ZMYM4: variants seen among roughly 807,000 people sequenced by gnomAD.
The protein encoded by ZMYM4 is zinc finger MYM-type protein 4.
In ZMYM4, 31 loss-of-function variants were observed where a neutral mutation model predicts 183.2. The ratio of observed to expected loss-of-function variants is 0.17; its 90% CI spans 0.13 to 0.23. The LOEUF is 0.23. ZMYM4 is among the 10% of genes least tolerant of loss of function. ZMYM4 has a pLI of 1.00. For missense variants in ZMYM4, 1,273 were observed against 1,840.3 expected, an observed-to-expected ratio of 0.69 and a Z score of 5.64; for synonymous variants, 592 against 631.2, an observed-to-expected ratio of 0.94 and a Z score of 0.93.
At chr1:35,412,094 T>C (rs1461623233) in intron 26 of ZMYM4, among the ~76,000 whole-genome samples, 3 of 150,536 alleles carry the variant, frequency 2.0e-5, no homozygotes, top group Non-Finnish European at 4.5e-5. Context: ...GGTTTCACCG[T>C]GGTCTCGATC....
At position 35,381,198 on chromosome 1, in the gene ZMYM4, C is replaced by T. The variant is rs1352581294; in HGVS notation, c.1182-61C>T. 3.0e-6 allele frequency: 4 copies of T among 1,352,074 alleles called. No homozygotes were observed. In the South Asian group the frequency reaches 4.7e-5, roughly 16 times the overall value. 83.8% of individuals were successfully genotyped at this position (1,352,074 alleles called of 1,614,324 possible). ...TCTGTTTTATTTAGTTATTTTAGCT[C>T]ACAGAAAGGAAAAAGAAATGAATTA... On this transcript the variant is annotated intron_variant, in intron 7 of 29. Transcript: ENST00000314607.
At chr1:35,410,083 G>A (rs1273491024) in intron 26 of ZMYM4, among the ~76,000 whole-genome samples, 3 of 152,102 alleles carry the variant, frequency 2.0e-5, no homozygotes, top group Non-Finnish European at 4.4e-5. Flanking sequence ...AGGTGAAGGG[G>A]GAGCAGGCGT....
chr1:35,294,495 G>A (rs867691261), intron 1 of ZMYM4, among the ~76,000 whole-genome samples: 9 of 152,250 alleles, frequency 5.9e-5, no homozygotes, highest in Middle Eastern at 3.4e-3. Flanking sequence ...GGGGGCAGTA[G>A]GGGAATATAG....
chr1:35,370,201 GCT>G, intron 6 of ZMYM4, 88 bp downstream of exon 6: 2 of 1,542,752 alleles, frequency 1.3e-6, no homozygotes, highest in Non-Finnish European at 1.8e-6. Flanking sequence ...AAACCAGGCA[GCT>G]CTCTCTACCC....
chr1:35,278,375 C>T (rs1639976849), intron 1 of ZMYM4, among the ~76,000 whole-genome samples: 1 of 151,564 alleles, frequency 6.6e-6, no homozygotes, highest in African/African-American at 2.4e-5. Context: ...AAAATAAATT[C>T]ACCTCATCCC....
At chr1:35,309,717 G>A (rs1418223716) in intron 1 of ZMYM4, among the ~76,000 whole-genome samples, 1 of 151,986 alleles carries the variant, frequency 6.6e-6, no homozygotes, top group Non-Finnish European at 1.5e-5. Context: ...CCAGGAGCTT[G>A]AGGCTACAGT....
intron 2 of ZMYM4, among the ~76,000 whole-genome samples, chr1:35,334,920 A>G (rs16837289): frequency 0.065 from 9,910 of 152,174 alleles, 939 homozygotes; most frequent in East Asian, 0.44. Flanking sequence ...CTCACTCCTT[A>G]GTTATTTCTC....
chr1:35,345,559 A>G (rs940122974), intron 2 of ZMYM4, among the ~76,000 whole-genome samples: 5 of 151,690 alleles, frequency 3.3e-5, no homozygotes, highest in Non-Finnish European at 5.9e-5. Flanking sequence ...GGCTCAAGCA[A>G]TTCTCCGGCC....
chr1:35,341,105 TTTTATTATTTGTATA>T, intron 2 of ZMYM4, among the ~76,000 whole-genome samples: 2 of 152,138 alleles, frequency 1.3e-5, no homozygotes, highest in Non-Finnish European at 2.9e-5. Context: ...CCATATTGAT[TTTTATTATTTGTATA>T]TTTATTTGAA....
intron 7 of ZMYM4, among the ~76,000 whole-genome samples, chr1:35,373,380 CTTT>C (rs572118166): frequency 1.5e-5 from 2 of 132,584 alleles, no homozygotes; most frequent in African/African-American, 2.8e-5. Context: ...TTTTTTTTTT[CTTT>C]TTTTTTTTTG....
At chr1:35,382,282 A>T (rs1644480427) in intron 9 of ZMYM4, among the ~76,000 whole-genome samples, 1 of 150,726 alleles carries the variant, frequency 6.6e-6, no homozygotes, top group African/African-American at 2.5e-5. Flanking sequence ...ATATGTATAT[A>T]TACATATAGA....
intron 7 of ZMYM4, among the ~76,000 whole-genome samples, chr1:35,379,775 G>A (rs1189280499): frequency 2.0e-5 from 3 of 152,186 alleles, no homozygotes; most frequent in South Asian, 2.1e-4. Context: ...GCCTGCTTTC[G>A]ATATTATTAT....
intron 6 of ZMYM4, 61 bp from the exon 7 acceptor site, chr1:35,370,311 T>G (rs1644176822): frequency 1.4e-6 from 2 of 1,453,662 alleles, no homozygotes; most frequent in Non-Finnish European, 1.8e-6. Flanking sequence ...AAATTCATGG[T>G]AAAAAGTAAA....
At chr1:35,329,754 A>G (rs1208759249) in intron 2 of ZMYM4, among the ~76,000 whole-genome samples, 1 of 152,124 alleles carries the variant, frequency 6.6e-6, no homozygotes. Context: ...GGGTCTTGCT[A>G]TGTTGCTGAG....
rs201522095 is a variant in ZMYM4 at position 35,389,779 on chromosome 1, A to G, written c.2437-169A>G. ...CAAAAAAAAAAAAAAATATATATAT[A>G]TATGTGTGTGTGTGTGTGTGTGTGT... On this transcript the variant is annotated intron_variant, in intron 14 of 29. Coordinates refer to ENST00000314607, the MANE Select transcript of ZMYM4 (RefSeq NM_005095.3). This position sits in a 1 kb window ranked among gnomAD's most constrained non-coding sequence, Gnocchi z 4.0. 6.1e-5 allele frequency among the ~76,000 whole-genome samples: 7 copies of G among 114,292 alleles called. No homozygotes were observed. The highest frequency in any genetic ancestry group is 1.4e-3 in the East Asian group (2 of 1,434). The allele number at this position is 114,292 out of a possible 152,430, so 75.0% of individuals were successfully genotyped here.
chr1:35,308,565 A>G (rs1014771071), intron 1 of ZMYM4, among the ~76,000 whole-genome samples: 3 of 152,270 alleles, frequency 2.0e-5, no homozygotes, highest in Non-Finnish European at 4.4e-5. Flanking sequence ...TTCGTAGTTA[A>G]GAGTGGATGA....
chr1:35,324,339 C>T (rs1341142774), intron 1 of ZMYM4, among the ~76,000 whole-genome samples: 2 of 152,000 alleles, frequency 1.3e-5, no homozygotes, highest in South Asian at 2.1e-4. Flanking sequence ...CCTTGTGATC[C>T]GCCCACCTCA....
intron 9 of ZMYM4, among the ~76,000 whole-genome samples, chr1:35,382,089 G>T (rs1644469791): frequency 6.7e-6 from 1 of 150,240 alleles, no homozygotes; most frequent in East Asian, 2.0e-4. Context: ...AGGTTGCAGT[G>T]AGCCAAGATC....
chr1:35,282,455 C>CCTCAGAATA (rs1185715546), intron 1 of ZMYM4, among the ~76,000 whole-genome samples: 1 of 152,206 alleles, frequency 6.6e-6, no homozygotes, highest in Non-Finnish European at 1.5e-5. Flanking sequence ...AGTTACTCAA[C>CCTCAGAATA]CTCAGGTATT....
Sources: gnomAD v4.1 joint callset for allele counts (sites outside exome capture counted in the v4.1 genomes callset) on GRCh38, gnomAD v4.1.1 for gene constraint, Gnocchi (gnomAD v3.1) non-coding constraint, MANE v1.5 for transcripts, NCBI Gene and HGNC (gene_info 2026-07-23, HGNC 2026-07-21) for gene names.